STRA8: variants seen among roughly 807,000 people sequenced by gnomAD.
STRA8 encodes the protein stimulated by retinoic acid gene 8 protein homolog.
Under a neutral mutation model 37.1 loss-of-function variants are expected in STRA8, and 18 were observed. That is an observed-to-expected ratio of 0.48 (90% CI 0.34 to 0.72). The LOEUF is 0.72. Among genes scored for constraint, STRA8 ranks in the 30% least tolerant of loss-of-function variants. The pLI is 0.01. For missense variants in STRA8, 357 were observed against 410.4 expected, an observed-to-expected ratio of 0.87 and a Z score of 1.13; for synonymous variants, 168 against 162.9, an observed-to-expected ratio of 1.03 and a Z score of -0.24.
At chr7:135,245,243 A>G in intron 4 of STRA8, 45 bp from the exon 5 acceptor site, 1 of 780,462 alleles carries the variant, frequency 1.3e-6, no homozygotes, top group Non-Finnish European at 2.4e-6. Flanking sequence ...CATGTTCATG[A>G]GGGATATTAA....
At chr7:135,255,456 C>T (rs569523686) in intron 8 of STRA8, among the ~76,000 whole-genome samples, 2 of 152,270 alleles carry the variant, frequency 1.3e-5, no homozygotes, top group Middle Eastern at 6.8e-3. Flanking sequence ...AGAGAAGTGT[C>T]CTCTAGGGCA....
chr7:135,242,621 A>C (rs1282335710), intron 2 of STRA8, among the ~76,000 whole-genome samples, 160 bp from the exon 3 acceptor site: 1 of 152,224 alleles, frequency 6.6e-6, no homozygotes, highest in Non-Finnish European at 1.5e-5. Flanking sequence ...CCTCCTGTGC[A>C]TCAGAACAAA....
chr7:135,258,096 T>C (rs887725146), intron 8 of STRA8, among the ~76,000 whole-genome samples: 72 of 152,356 alleles, frequency 4.7e-4, no homozygotes, highest in Non-Finnish European at 8.4e-4. Flanking sequence ...CACCGTCTTC[T>C]ATTGATGAGC....
Position 135,246,697 on chromosome 7 carries a change from G to A in STRA8, c.874G>A (p.Glu292Lys). The A allele has an allele frequency of 6.6e-7, 1 of 1,521,304 alleles. No individual in the cohort carries two copies. Among genetic ancestry groups the A allele is most frequent in the Non-Finnish European group, 8.8e-7 (1 of 1,142,080 alleles). 94.2% of individuals were successfully genotyped at this position (1,521,304 alleles called of 1,614,324 possible). A position where few individuals can be genotyped will look rare whatever the true frequency, so the allele number is the denominator to read the frequency against. ...CAGCTGCTCGCTGGTCTCCACGCCC[G>A]AGGAGGTGAGCAGGCCCACCGGGGT... ...GASCSLVSTP[E>K]EILFEDAFDV... Residue 292 changes from glutamate to lysine, a missense_variant, in exon 6 of 9, where the codon GAG (glutamate) becomes AAG (lysine). Glu to Lys is a moderately conservative substitution (Grantham distance 56). Transcript: ENST00000662584. The surrounding 1 kb of genome is among the most constrained non-coding windows in gnomAD (Gnocchi z 5.4).
chr7:135,246,752 G>A lies in STRA8; in HGVS notation c.879+50G>A, dbSNP rs147279492. ...TGGATGGGGCACGGGAACCACCCTC[G>A]CCCTCGCCTGGGGACACCAGGGCTT... On this transcript the variant is annotated intron_variant, in intron 6 of 8. Coordinates refer to ENST00000662584, the MANE Select transcript of STRA8 (RefSeq NM_001394401.1). The surrounding 1 kb of genome is among the most constrained non-coding windows in gnomAD (Gnocchi z 5.4). 7.1e-4 allele frequency: 1,038 copies of A among 1,470,948 alleles called. 4 individuals carry two copies. In the African/African-American group the frequency reaches 0.01, roughly 15 times the overall value. The allele number at this position is 1,470,948 out of a possible 1,614,324, so 91.1% of individuals were successfully genotyped here.
At chr7:135,232,283 T>C (rs1166221643), upstream of STRA8, among the ~76,000 whole-genome samples, 2 of 150,630 alleles carry the variant, frequency 1.3e-5, no homozygotes, top group Non-Finnish European at 3.0e-5. Flanking sequence ...GGTGGGAGGT[T>C]GGTGGTGGGA....
At chr7:135,239,931 A>G (rs1211293167) in intron 1 of STRA8, among the ~76,000 whole-genome samples, 1 of 152,144 alleles carries the variant, frequency 6.6e-6, no homozygotes, top group East Asian at 1.9e-4. Flanking sequence ...TCTCGAGTCT[A>G]AAGTGTACCC....
Position 135,246,128 on chromosome 7 carries a change from A to C in STRA8, c.594-289A>C. 1 of 478,096 alleles carries C rather than the reference A, an allele frequency of 2.1e-6. No homozygotes were observed. Among genetic ancestry groups the C allele is most frequent in the Non-Finnish European group, 3.8e-6 (1 of 265,516 alleles). 29.6% of individuals were successfully genotyped at this position (478,096 alleles called of 1,614,324 possible). On this transcript the variant is annotated intron_variant, in intron 5 of 8. Transcript: ENST00000662584. The surrounding 1 kb of genome is among the most constrained non-coding windows in gnomAD (Gnocchi z 5.4). ...GAATATTCCCTTAGGATGAGAGCTG[A>C]GGCAGCTACGCCTCTTATCTGCTTC...
At chr7:135,240,926 T>C (rs986878062) in intron 2 of STRA8, among the ~76,000 whole-genome samples, 1 of 152,088 alleles carries the variant, frequency 6.6e-6, no homozygotes, top group Non-Finnish European at 1.5e-5. Flanking sequence ...AAAGGTGCCA[T>C]CAGATTGGGT....
chr7:135,247,727 C>T (rs1012784399), intron 6 of STRA8, among the ~76,000 whole-genome samples: 1 of 152,216 alleles, frequency 6.6e-6, no homozygotes, highest in African/African-American at 2.4e-5. Context: ...ACCACAACTG[C>T]TACCGTAAAT....
chr7:135,242,693 C>T, intron 2 of STRA8, 88 bp from the exon 3 acceptor site: 1 of 1,296,418 alleles, frequency 7.7e-7, no homozygotes, highest in South Asian at 1.2e-5. Flanking sequence ...GGAGCGTGGC[C>T]TCAGCCCTGG....
intron 6 of STRA8, among the ~76,000 whole-genome samples, chr7:135,250,155 G>A (rs1357634393): frequency 6.6e-6 from 1 of 152,202 alleles, no homozygotes; most frequent in Non-Finnish European, 1.5e-5. Flanking sequence ...GGAGGCTCTG[G>A]AATGCTCCAT....
chr7:135,254,715 T>C (rs1031819461), intron 7 of STRA8, among the ~76,000 whole-genome samples: 7 of 152,222 alleles, frequency 4.6e-5, no homozygotes, highest in African/African-American at 1.7e-4. Flanking sequence ...AGTTCCACGT[T>C]AGACCCACTG....
intron 2 of STRA8, among the ~76,000 whole-genome samples, 153 bp from the exon 3 acceptor site, chr7:135,242,628 C>T (rs879920519): frequency 3.9e-5 from 6 of 152,344 alleles, no homozygotes; most frequent in Middle Eastern, 6.8e-3. Context: ...TGCATCAGAA[C>T]AAACTTCCTA....
At chr7:135,248,386 A>G (rs907586172) in intron 6 of STRA8, among the ~76,000 whole-genome samples, 1 of 74,460 alleles carries the variant, frequency 1.3e-5, no homozygotes, top group African/African-American at 5.5e-5. Context: ...TCTCAACTGA[A>G]TCACCTGTGG....
chr7:135,238,067 C>G (rs1484471584), intron 1 of STRA8, among the ~76,000 whole-genome samples: 1 of 152,182 alleles, frequency 6.6e-6, no homozygotes, highest in Non-Finnish European at 1.5e-5. Flanking sequence ...GAGGCAGGAT[C>G]TAGAGGGAAG....
At chr7:135,251,766 C>G (rs781508948) in intron 6 of STRA8, 30 bp from the exon 7 acceptor site, 1 of 1,611,938 alleles carries the variant, frequency 6.2e-7, no homozygotes, top group South Asian at 1.1e-5. Flanking sequence ...AAGTTATTTC[C>G]AACACATGAA....
chr7:135,234,330 A>T (rs1832338479), intron 1 of STRA8, among the ~76,000 whole-genome samples: 1 of 152,156 alleles, frequency 6.6e-6, no homozygotes, highest in Non-Finnish European at 1.5e-5. Flanking sequence ...GCTGGTCTCG[A>T]ACTCCTGACC....
At chr7:135,236,280 G>A (rs200921172) in intron 1 of STRA8, among the ~76,000 whole-genome samples, 1 of 148,538 alleles carries the variant, frequency 6.7e-6, no homozygotes, top group Non-Finnish European at 1.5e-5. Context: ...GTGTGTGTAT[G>A]TGTGTGTGTG....
Sources: allele counts gnomAD v4.1 joint callset (sites outside exome capture counted in the v4.1 genomes callset), GRCh38; gene constraint gnomAD v4.1.1; non-coding constraint Gnocchi (gnomAD v3.1); transcripts MANE v1.5; gene names NCBI Gene and HGNC (gene_info 2026-07-23, HGNC 2026-07-21).